ABHD12B: variants seen among roughly 807,000 people sequenced by gnomAD.
The protein encoded by ABHD12B is protein ABHD12B.
ABHD12B carries 42 observed loss-of-function variants against 50.4 expected under a neutral mutation model. The observed-to-expected ratio is 0.83, with a 90% confidence interval of 0.65 to 1.08. ABHD12B has a LOEUF of 1.08. ABHD12B is among the 50% of genes least tolerant of loss of function. The pLI is 0.00. For missense variants in ABHD12B, 479 were observed against 447.7 expected, an observed-to-expected ratio of 1.07 and a Z score of -0.63; for synonymous variants, 167 against 160.3, an observed-to-expected ratio of 1.04 and a Z score of -0.32.
intron 9 of ABHD12B, among the ~76,000 whole-genome samples, chr14:50,889,819 G>A (rs780354307): frequency 2.0e-4 from 30 of 152,124 alleles, no homozygotes; most frequent in Non-Finnish European, 7.4e-5. Context: ...ATTCTACATT[G>A]TTGTTTCATA....
chr14:50,872,326 T>A, intron 1 of ABHD12B, 48 bp downstream of exon 1: 1 of 1,213,356 alleles, frequency 8.2e-7, no homozygotes, highest in Non-Finnish European at 1.0e-6. Flanking sequence ...CGGCTCAGGC[T>A]GCGCGGGGAT....
At chr14:50,888,379 T>A (rs944605734) in intron 8 of ABHD12B, among the ~76,000 whole-genome samples, 6 of 152,166 alleles carry the variant, frequency 3.9e-5, no homozygotes, top group African/African-American at 1.4e-4. Flanking sequence ...GATTTTTGTA[T>A]TTTTAGTAGA....
chr14:50,872,304 G>A (rs747398383), intron 1 of ABHD12B, 26 bp downstream of exon 1: 9 of 1,269,284 alleles, frequency 7.1e-6, no homozygotes, highest in South Asian at 2.5e-5. Flanking sequence ...TCCACCCCTG[G>A]CCGGGCCCCG....
At position 50,904,423 on chromosome 14, in the gene ABHD12B, T is replaced by C; in HGVS notation, c.*57T>C. On this transcript the variant is annotated 3_prime_UTR_variant, in exon 13 of 13. Transcript: ENST00000337334. Reference sequence around the variant, plus strand: ...CTTGGCCCAAACACCACCTGTGATGTATATTGTTCTAATGTAAAATTGTAC... The same window carrying C: ...CTTGGCCCAAACACCACCTGTGATGCATATTGTTCTAATGTAAAATTGTAC... 1 of 1,608,148 alleles carries C rather than the reference T, an allele frequency of 6.2e-7. No homozygotes were observed. The highest frequency in any genetic ancestry group is 8.5e-7 in the Non-Finnish European group (1 of 1,176,086).
Position 50,898,818 on chromosome 14 carries a change from G to A in ABHD12B, c.781-3011G>A, listed in dbSNP as rs550421565. Among the ~76,000 whole-genome samples the A allele has an allele frequency of 1.1e-4, 16 of 152,296 alleles. No individual in the cohort carries two copies. The South Asian group carries it at 3.3e-3, about 32-fold the overall frequency. ...GAAAGAGAAGGAAAGGCTGTGTCAG[G>A]AAGTCCAGAGCACACCTGAATGCAG... On this transcript the variant is annotated intron_variant, in intron 9 of 12. Transcript: ENST00000337334.
intron 5 of ABHD12B, among the ~76,000 whole-genome samples, chr14:50,884,251 G>T (rs938969052): frequency 5.3e-5 from 8 of 151,082 alleles, no homozygotes; most frequent in African/African-American, 2.0e-4. Flanking sequence ...TTGCAGTTGT[G>T]GTTCTTGGGT....
Position 50,885,755 on chromosome 14 carries a change from C to T in ABHD12B, c.533-11C>T. ...GGCAGTGATACTGTGTTTGCCTTTT[C>T]TTGCTGCCAGGATTTGGGGACTCTA... On this transcript the variant is annotated splice_polypyrimidine_tract_variant and intron_variant, in intron 6 of 12. Transcript: ENST00000337334. 6.2e-7 allele frequency: 1 copy of T among 1,614,178 alleles called. No individual in the cohort carries two copies. The highest frequency in any genetic ancestry group is 1.3e-5 in the African/African-American group (1 of 75,056).
intron 9 of ABHD12B, chr14:50,891,817 T>C (rs906118873): frequency 5.9e-5 from 9 of 152,226 alleles, no homozygotes; most frequent in Non-Finnish European, 1.3e-4. Context: ...AGTGCTAATG[T>C]TTGCATATAT....
At chr14:50,886,969 A>G (rs1291920664) in intron 8 of ABHD12B, among the ~76,000 whole-genome samples, 1 of 152,116 alleles carries the variant, frequency 6.6e-6, no homozygotes, top group Non-Finnish European at 1.5e-5. Flanking sequence ...TAATCCCAGC[A>G]CTTTGGGAGG....
chr14:50,892,475 T>C, intron 9 of ABHD12B: 1 of 985,272 alleles, frequency 1.0e-6, no homozygotes, highest in Non-Finnish European at 1.2e-6. Context: ...AGGTAGGCAG[T>C]GGAGGAGGGG....
intron 9 of ABHD12B, 42 bp from the exon 10 acceptor site, chr14:50,901,787 C>A (rs890289862): frequency 1.5e-6 from 2 of 1,334,190 alleles, no homozygotes; most frequent in Non-Finnish European, 1.0e-6. Flanking sequence ...GATGGCATAG[C>A]TATGGGGCAA....
intron 1 of ABHD12B, among the ~76,000 whole-genome samples, chr14:50,872,494 C>T (rs140939402): frequency 7.9e-5 from 12 of 152,320 alleles, no homozygotes; most frequent in African/African-American, 2.9e-4. Flanking sequence ...CCAACCTGGA[C>T]CAGCGAGACT....
intron 9 of ABHD12B, chr14:50,890,930 T>C (rs1429309586): frequency 6.6e-6 from 1 of 152,200 alleles, no homozygotes; most frequent in Admixed American, 6.5e-5. Flanking sequence ...TCACCAATCC[T>C]GTATGAGAGC....
chr14:50,880,179 G>A (rs538852391), intron 3 of ABHD12B, among the ~76,000 whole-genome samples: 1 of 152,262 alleles, frequency 6.6e-6, no homozygotes, highest in East Asian at 1.9e-4. Context: ...AAGAACTGCA[G>A]TCTTGGAAAA....
Position 50,880,590 on chromosome 14 carries a change from A to C in ABHD12B, c.455+19A>C, listed in dbSNP as rs747543592. ...AACACAGGTCAGTGGCTCTGCTTAC[A>C]TATTTTTTTTTCAGGAGATTGAGAG... is the stretch of plus-strand genomic sequence containing the variant. On this transcript the variant is annotated intron_variant, in intron 4 of 12. Coordinates refer to ENST00000337334, the MANE Select transcript of ABHD12B (RefSeq NM_001206673.2). 2.6e-6 allele frequency: 4 copies of C among 1,535,308 alleles called. No individual in the cohort carries two copies. The highest frequency in any genetic ancestry group is 2.6e-6 in the Non-Finnish European group (3 of 1,140,030).
At chr14:50,893,448 T>C (rs1453929324) in intron 9 of ABHD12B, 1 of 151,594 alleles carries the variant, frequency 6.6e-6, no homozygotes, top group Non-Finnish European at 1.5e-5. Flanking sequence ...CCCCTTTGAC[T>C]GTAATTTTCC....
At chr14:50,873,167 T>C (rs934019939) in intron 1 of ABHD12B, among the ~76,000 whole-genome samples, 1 of 152,206 alleles carries the variant, frequency 6.6e-6, no homozygotes, top group Non-Finnish European at 1.5e-5. Flanking sequence ...GAGACCTCAC[T>C]TTGGAGTGCC....
intron 9 of ABHD12B, chr14:50,893,335 T>A (rs9671339): frequency 0.051 from 8,100 of 158,626 alleles, 303 homozygotes; most frequent in African/African-American, 0.11. Flanking sequence ...TTGCCTTAAG[T>A]GATGACACTA....
rs755356521 is a variant in ABHD12B at position 50,901,883 on chromosome 14, G to C, written c.835G>C (p.Asp279His). 4.4e-6 allele frequency: 7 copies of C among 1,598,348 alleles called. No individual in the cohort carries two copies. In the East Asian group the frequency reaches 1.1e-4, roughly 26 times the overall value. ...TACACTTATGGATGCCCTGAGAAAA[G>C]ACAAAATAATCTTTCCTAATGATGA... Reference protein sequence around the residue: ...LRTLMDALRKDKIIFPNDENV... With the variant: ...LRTLMDALRKHKIIFPNDENV... The change falls in exon 10 of 13, where the codon GAC becomes CAC. Residue 279 changes from aspartate to histidine, a missense_variant. Coordinates refer to ENST00000337334, the MANE Select transcript of ABHD12B (RefSeq NM_001206673.2).
Sources: allele counts gnomAD v4.1 joint callset (sites outside exome capture counted in the v4.1 genomes callset), GRCh38; gene constraint gnomAD v4.1.1; transcripts MANE v1.5; gene names NCBI Gene and HGNC (gene_info 2026-07-23, HGNC 2026-07-21).